XXYLT1: variants seen among roughly 807,000 people sequenced by gnomAD.
XXYLT1 encodes the protein xyloside xylosyltransferase 1.
In XXYLT1, 20 loss-of-function variants were observed where a neutral mutation model predicts 28.9. That is an observed-to-expected ratio of 0.69 (90% CI 0.49 to 1.00). The LOEUF (loss-of-function observed/expected upper bound fraction) is 1.00. Ranked by LOEUF, XXYLT1 falls within the 50% of genes least tolerant of loss-of-function variation. The probability of loss-of-function intolerance (pLI) is 0.00; values close to 1 mark genes in which losing one functional copy is unlikely to be tolerated. For missense variants in XXYLT1, 542 were observed against 560.1 expected (o/e 0.97, Z 0.33); for synonymous variants, 257 against 253.8 (o/e 1.01, Z -0.12).
intron 2 of XXYLT1, among the ~76,000 whole-genome samples, chr3:195,211,285 T>C (rs113064248): frequency 1.3e-5 from 2 of 151,972 alleles, no homozygotes; most frequent in South Asian, 2.1e-4. Flanking sequence ...TCCCAGCTAC[T>C]TGGGAGGCTG....
chr3:195,219,184 AG>A (rs1723711208), intron 2 of XXYLT1, among the ~76,000 whole-genome samples: 1 of 141,510 alleles, frequency 7.1e-6, no homozygotes, highest in South Asian at 2.4e-4. Context: ...GGGAGGGGGG[AG>A]GGATAGCATT....
At chr3:195,083,535 G>A (rs931885851) in intron 3 of XXYLT1, among the ~76,000 whole-genome samples, 1 of 152,230 alleles carries the variant, frequency 6.6e-6, no homozygotes, top group South Asian at 2.1e-4. Flanking sequence ...CCTACATCCA[G>A]GCTGGCAATA....
rs547285050 is a variant in XXYLT1 at position 195,248,743 on chromosome 3, C to T, written c.504+21812G>A. Among the ~76,000 whole-genome samples, 6 of 152,222 alleles carry T rather than the reference C, an allele frequency of 3.9e-5. No homozygotes were observed. In the South Asian group the frequency reaches 6.2e-4, roughly 16 times the overall value. On this transcript the variant is annotated intron_variant, in intron 1 of 3. Transcript: ENST00000310380. ...GACCAGCCTGGCCAACAGGGTGAAA[C>T]GCCGTCTCTACTAAGAAAATACAAA...
chr3:195,200,999 C>A (rs1034348836), intron 2 of XXYLT1, among the ~76,000 whole-genome samples: 2 of 152,124 alleles, frequency 1.3e-5, no homozygotes, highest in Non-Finnish European at 2.9e-5. Context: ...CCAGCCCAAC[C>A]CCAGACCTAC....
chr3:195,241,634 C>T (rs947666515), intron 1 of XXYLT1, among the ~76,000 whole-genome samples: 5 of 152,172 alleles, frequency 3.3e-5, no homozygotes, highest in East Asian at 1.9e-4. Context: ...ATGCCAGACA[C>T]CTGAACACCC....
intron 2 of XXYLT1, among the ~76,000 whole-genome samples, chr3:195,220,527 A>C (rs78766625): frequency 0.02 from 3,022 of 152,196 alleles, 110 homozygotes; most frequent in African/African-American, 0.068. Flanking sequence ...TGGGAGTCAC[A>C]GTGTTGCAAT....
intron 2 of XXYLT1, among the ~76,000 whole-genome samples, chr3:195,200,310 C>T (rs1295015757): frequency 6.6e-6 from 1 of 152,226 alleles, no homozygotes; most frequent in Non-Finnish European, 1.5e-5. Context: ...GTGACCCTGG[C>T]CATGTTACTT....
At chr3:195,095,534 T>G (rs531910184) in intron 3 of XXYLT1, 1 of 154,102 alleles carries the variant, frequency 6.5e-6, no homozygotes, top group East Asian at 1.9e-4. Context: ...ACATCCAGTT[T>G]GAGTGCTCAT....
intron 1 of XXYLT1, among the ~76,000 whole-genome samples, chr3:195,242,188 G>A (rs959973782): frequency 2.6e-5 from 4 of 152,166 alleles, no homozygotes; most frequent in Admixed American, 6.5e-5. Context: ...GCAGCACCTG[G>A]GAACTGAGCA....
rs142186938 is a variant in XXYLT1 at position 195,207,383 on chromosome 3, G to C, written c.652+19326C>G. 228 of 442,182 alleles carry C rather than the reference G, an allele frequency of 5.2e-4. 3 individuals are homozygous for C. Among genetic ancestry groups the C allele is most frequent in the Middle Eastern group, 2.0e-3 (6 of 2,986 alleles). 27.4% of individuals were successfully genotyped at this position (442,182 alleles called of 1,614,324 possible). A position where few individuals can be genotyped will look rare whatever the true frequency, so the allele number is the denominator to read the frequency against. ...GCCCTTCTTCAACAGAGGGTTTGGA[G>C]GTTCTCAGGCAACAGGAAAACAGTG... is the stretch of plus-strand genomic sequence containing the variant. On this transcript the variant is annotated intron_variant, in intron 2 of 3. Transcript: ENST00000310380.
intron 3 of XXYLT1, chr3:195,146,861 C>T (rs750923606): frequency 6.5e-6 from 1 of 153,678 alleles, no homozygotes; most frequent in Non-Finnish European, 1.5e-5. Context: ...TCCTAGGCAA[C>T]TTGGTGGTCC....
At chr3:195,259,912 CG>C (rs898052449) in intron 1 of XXYLT1, 1 of 152,800 alleles carries the variant, frequency 6.5e-6, no homozygotes, top group African/African-American at 2.4e-5. Flanking sequence ...CAGGCAGGAG[CG>C]ACGGGCCTCC....
intron 2 of XXYLT1, among the ~76,000 whole-genome samples, chr3:195,215,397 A>G (rs1723526471): frequency 8.5e-6 from 1 of 117,412 alleles, no homozygotes; most frequent in African/African-American, 3.3e-5. Flanking sequence ...AAGAGTCAAG[A>G]CCCATCAGTG....
rs1714704858 is a variant in XXYLT1, at chr3:195,069,969, GC to G, written c.927del (p.Leu310TrpfsTer27). 1 of 1,611,140 alleles carries G rather than the reference GC, an allele frequency of 6.2e-7. No homozygotes were observed. The highest frequency in any genetic ancestry group is 8.5e-7 in the Non-Finnish European group (1 of 1,179,720). On this transcript the variant is annotated frameshift_variant, in exon 4 of 4. Transcript: ENST00000310380. LOFTEE classifies it high-confidence loss of function. Reference sequence around the variant, plus strand: ...AGCTGCTGCACCTGCGCCGGCTCCAGCAGGCGGCTGTAGAGCGGGGACTGGC... The same window carrying G: ...AGCTGCTGCACCTGCGCCGGCTCCAGAGGCGGCTGTAGAGCGGGGACTGGC... The part of the protein sequence containing the change: ...AMRQSPLYSR[L>X]LEPAQVQQLA...
intron 1 of XXYLT1, chr3:195,247,791 G>A (rs977314849): frequency 5.7e-6 from 4 of 702,652 alleles, no homozygotes; most frequent in East Asian, 5.4e-5. Flanking sequence ...TGGCTGGGGA[G>A]GCCTCAGGAA....
At chr3:195,196,611 G>A (rs1722636020) in intron 2 of XXYLT1, among the ~76,000 whole-genome samples, 1 of 152,186 alleles carries the variant, frequency 6.6e-6, no homozygotes, top group Non-Finnish European at 1.5e-5. Flanking sequence ...GAAAACATAG[G>A]GAGGGAGAAA....
intron 3 of XXYLT1, among the ~76,000 whole-genome samples, chr3:195,082,283 T>C (rs1376370262): frequency 6.6e-6 from 1 of 152,132 alleles, no homozygotes; most frequent in Non-Finnish European, 1.5e-5. Flanking sequence ...TGTATGCAGA[T>C]TCAGTTTTCA....
chr3:195,179,822 C>G (rs58875096), intron 2 of XXYLT1, among the ~76,000 whole-genome samples: 6,863 of 152,216 alleles, frequency 0.045, 552 homozygotes, highest in African/African-American at 0.15. Context: ...AATTTAAAAA[C>G]GAGTCACAAT....
intron 1 of XXYLT1, among the ~76,000 whole-genome samples, chr3:195,266,551 G>A (rs1312636966): frequency 1.3e-5 from 2 of 152,082 alleles, no homozygotes; most frequent in African/African-American, 4.8e-5. Context: ...GGTGAATGTG[G>A]CAGCCTTTCC....
Sources: gnomAD v4.1 joint callset for allele counts (sites outside exome capture counted in the v4.1 genomes callset) on GRCh38, gnomAD v4.1.1 for gene constraint, MANE v1.5 for transcripts, NCBI Gene and HGNC (gene_info 2026-07-23, HGNC 2026-07-21) for gene names.